The following TNXB variants were observed in gnomAD, a reference collection of about 807,000 sequenced individuals.
TNXB encodes the protein tenascin-X.
Under a neutral mutation model 340.5 loss-of-function variants are expected in TNXB, and 183 were observed. That is an observed-to-expected ratio of 0.54 (90% CI 0.48 to 0.61). The LOEUF (loss-of-function observed/expected upper bound fraction) is 0.61, where lower values mean the gene tolerates loss of function less well. Ranked by LOEUF, TNXB falls within the 20% of genes least tolerant of loss-of-function variation. The pLI, the probability that TNXB is intolerant of heterozygous loss-of-function variation, is 0.00. For missense variants in TNXB, 4,613 were observed against 5,446.4 expected (o/e 0.85, Z 4.82); for synonymous variants, 2,121 against 2,314.5 (o/e 0.92, Z 2.40).
Position 32,081,816 on chromosome 6 carries a change from A to C in TNXB, c.3737-143T>G. 1.4e-6 allele frequency: 1 copy of C among 698,864 alleles called. No individual in the cohort carries two copies. Among genetic ancestry groups the C allele is most frequent in the Non-Finnish European group, 2.4e-6 (1 of 419,240 alleles). 43.3% of individuals were successfully genotyped at this position (698,864 alleles called of 1,614,324 possible). ...GCTAAACTTCTGGGAAGCCTGACACAGCCAGGGTATGACACACCTTCTGGG... is the reference window on the plus strand; with the variant it reads ...GCTAAACTTCTGGGAAGCCTGACACCGCCAGGGTATGACACACCTTCTGGG... On this transcript the variant is annotated intron_variant, in intron 9 of 43. Coordinates refer to ENST00000644971, the MANE Select transcript of TNXB (RefSeq NM_001365276.2). The surrounding 1 kb of genome is among the most constrained non-coding windows in gnomAD (Gnocchi z 5.1).
Position 32,052,729 on chromosome 6 carries a change from T to G in TNXB, c.9056A>C (p.His3019Pro), listed in dbSNP as rs781316288. The change falls in exon 26 of 44, where the codon CAC becomes CCC. Residue 3019 changes from histidine (H) to proline (P), a missense_variant. By Grantham distance (77) the His-to-Pro change is moderately conservative. Coordinates refer to ENST00000644971, the MANE Select transcript of TNXB (RefSeq NM_001365276.2). The surrounding 1 kb of genome is among the most constrained non-coding windows in gnomAD (Gnocchi z 4.7). ...CTGCCCCTCGTGGAGGCCGTACAGG[T>G]GCATCTTGTATTTGCACCCGGGCTC... Reference protein sequence around the residue: ...GLEPGCKYKMHLYGLHEGQRV... With the variant: ...GLEPGCKYKMPLYGLHEGQRV... 2.9e-5 allele frequency: 46 copies of G among 1,613,588 alleles called. No homozygotes were observed. The highest frequency in any genetic ancestry group is 3.7e-5 in the Non-Finnish European group (44 of 1,179,872).
At position 32,073,791 on chromosome 6, in the gene TNXB, C is replaced by T. The variant is rs771301700; in HGVS notation, c.4537G>A (p.Gly1513Arg). The T allele has an allele frequency of 3.1e-6, 5 of 1,612,460 alleles. No individual in the cohort carries two copies. The highest frequency in any genetic ancestry group is 1.7e-5 in the Admixed American group (1 of 59,922). The change falls in exon 12 of 44, where the codon GGG (glycine) becomes AGG (arginine). Residue 1513 changes from glycine to arginine, a missense_variant. Physicochemically the swap from Gly to Arg is moderately radical, Grantham distance 125. Around this residue, in one of 7 missense-constraint regions of TNXB, gnomAD observed 4,327 missense variants for 4,859.4 expected, o/e 0.89. Transcript: ENST00000644971. This position sits in a 1 kb window ranked among gnomAD's most constrained non-coding sequence, Gnocchi z 4.6. ...SFIVQYKDKD[G>R]QPQVVPVAAD... ...GCCACCGGCACCACCTGGGGCTGCC[C>T]GTCCTTGTCCTTGTACTGGACTATG...
intron 11 of TNXB, among the ~76,000 whole-genome samples, chr6:32,076,471 C>T (rs1779087195): frequency 6.6e-6 from 1 of 152,182 alleles, no homozygotes; most frequent in South Asian, 2.1e-4. Flanking sequence ...TCTATTTTAT[C>T]CAGGACGTGT....
In TNXB at chr6:32,048,068, G is replaced by A; in HGVS notation, c.10046-56C>T. The A allele has an allele frequency of 6.4e-6, 10 of 1,559,354 alleles. No individual in the cohort carries two copies. In the South Asian group the frequency reaches 1.2e-4, roughly 18 times the overall value. ...GGGATGGAGGCAAAGGGGCCACGGA[G>A]CTTCCTGGGCTGCTATGGCTCTGTG... On this transcript the variant is annotated intron_variant, in intron 29 of 43. Coordinates refer to ENST00000644971, the MANE Select transcript of TNXB (RefSeq NM_001365276.2).
At position 32,051,265 on chromosome 6, in the gene TNXB, C is replaced by T. The variant is rs1215630349; in HGVS notation, c.9116-944G>A. Among the ~76,000 whole-genome samples the T allele has an allele frequency of 1.3e-5, 2 of 152,180 alleles. No individual in the cohort carries two copies. Among genetic ancestry groups the T allele is most frequent in the Non-Finnish European group, 1.5e-5 (1 of 68,028 alleles). On this transcript the variant is annotated intron_variant, in intron 26 of 43. Coordinates refer to ENST00000644971, the MANE Select transcript of TNXB (RefSeq NM_001365276.2). This position sits in a 1 kb window ranked among gnomAD's most constrained non-coding sequence, Gnocchi z 4.7. ...CTGGGCTTCTTGTCACATGCTCACC[C>T]GCCTTTGCTTTCTTACTGGTCCACA...
intron 24 of TNXB, among the ~76,000 whole-genome samples, chr6:32,054,511 C>T (rs1218741989): frequency 6.6e-6 from 1 of 152,240 alleles, no homozygotes; most frequent in Non-Finnish European, 1.5e-5. Flanking sequence ...CTGGCCTTTG[C>T]ACTAGCTGTG....
Position 32,057,725 on chromosome 6 carries a change from C to G in TNXB, c.7825+333G>C, listed in dbSNP as rs1582376891. 2.6e-5 allele frequency among the ~76,000 whole-genome samples: 4 copies of G among 152,328 alleles called. No individual in the cohort carries two copies. In the East Asian group the frequency reaches 7.7e-4, roughly 29 times the overall value. ...TGGCCTTTGCACCAGCTGTGATTATCTGACACACTTCACCTTCTCTCTAAA... is the reference window on the plus strand; with the variant it reads ...TGGCCTTTGCACCAGCTGTGATTATGTGACACACTTCACCTTCTCTCTAAA... On this transcript the variant is annotated intron_variant, in intron 22 of 43. Coordinates refer to ENST00000644971, the MANE Select transcript of TNXB (RefSeq NM_001365276.2).
At chr6:32,093,380 T>A in intron 4 of TNXB, 1 of 702,284 alleles carries the variant, frequency 1.4e-6, no homozygotes, top group Admixed American at 2.0e-5. Flanking sequence ...GCTATCTTGG[T>A]TGCGCCACGA....
intron 4 of TNXB, chr6:32,093,331 A>G (rs1780164733): frequency 1.4e-6 from 1 of 690,116 alleles, no homozygotes; most frequent in African/African-American, 1.8e-5. Context: ...TTTTATAACA[A>G]CAACAAAAAA....
chr6:32,054,735 A>G (rs1311396010), intron 24 of TNXB, among the ~76,000 whole-genome samples: 2 of 152,160 alleles, frequency 1.3e-5, no homozygotes, highest in Admixed American at 6.5e-5. Context: ...CCATGAAAAC[A>G]TGAACTTGTG....
In TNXB at chr6:32,050,325, G is replaced by T; in HGVS notation, c.9116-4C>A. 1 of 1,611,618 alleles carries T rather than the reference G, an allele frequency of 6.2e-7. No homozygotes were observed. The highest frequency in any genetic ancestry group is 8.5e-7 in the Non-Finnish European group (1 of 1,178,590). On this transcript the variant is annotated splice_polypyrimidine_tract_variant and splice_region_variant and intron_variant, in intron 26 of 43. Coordinates refer to ENST00000644971, the MANE Select transcript of TNXB (RefSeq NM_001365276.2). The stretch of plus-strand genomic sequence containing the variant: ...GTCTCGGCTTCATCCTTTGGAGCTG[G>T]ACAGACACGTGTGGGGACAGTGAGG...
Position 32,097,190 on chromosome 6 carries a change from G to C in TNXB, c.663C>G (p.Asp221Glu). The C allele has an allele frequency of 1.3e-6, 2 of 1,596,134 alleles. No homozygotes were observed. Among genetic ancestry groups the C allele is most frequent in the Non-Finnish European group, 1.7e-6 (2 of 1,171,972 alleles). Reference protein sequence around the residue: ...PSCGWPSCPGDCQGRGRCVQG... With the variant: ...PSCGWPSCPGECQGRGRCVQG... ...GCACGCAGCGCCCACGGCCTTGGCAGTCCCCGGGACAGGATGGCCAGCCAC... is the reference window on the plus strand; with the variant it reads ...GCACGCAGCGCCCACGGCCTTGGCACTCCCCGGGACAGGATGGCCAGCCAC... Residue 221 changes from aspartate to glutamate, a missense_variant, in exon 3 of 44, where the codon GAC (aspartate) becomes GAG (glutamate). Transcript: ENST00000644971. The surrounding 1 kb of genome is among the most constrained non-coding windows in gnomAD (Gnocchi z 5.9).
Position 32,049,212 on chromosome 6 carries a change from G to C in TNXB, c.9757+58C>G. 2 of 1,547,300 alleles carry C rather than the reference G, an allele frequency of 1.3e-6. No individual in the cohort carries two copies. Among genetic ancestry groups the C allele is most frequent in the Admixed American group, 2.0e-5 (1 of 51,276 alleles). On this transcript the variant is annotated intron_variant, in intron 28 of 43. Coordinates refer to ENST00000644971, the MANE Select transcript of TNXB (RefSeq NM_001365276.2). The surrounding 1 kb of genome is among the most constrained non-coding windows in gnomAD (Gnocchi z 4.5). Reference sequence around the variant, plus strand: ...AAAAGAGGTGCCAAGATCCAAAGGAGAAACACAAGGGGGCTGCAGAGGTAA... The same window carrying C: ...AAAAGAGGTGCCAAGATCCAAAGGACAAACACAAGGGGGCTGCAGAGGTAA...
rs924014813 is a variant in TNXB, at chr6:32,060,890, C to T, written c.7492+507G>A. ...CTGACCTCAGGCGATCAGCCCGCCTCGGCCTCCCAAAGTGCTGGGATTACA... is the reference window on the plus strand; with the variant it reads ...CTGACCTCAGGCGATCAGCCCGCCTTGGCCTCCCAAAGTGCTGGGATTACA... On this transcript the variant is annotated intron_variant, in intron 21 of 43. Coordinates refer to ENST00000644971, the MANE Select transcript of TNXB (RefSeq NM_001365276.2). Among the ~76,000 whole-genome samples, 4 of 152,002 alleles carry T rather than the reference C, an allele frequency of 2.6e-5. No homozygotes were observed. The East Asian group carries it at 7.7e-4, about 29-fold the overall frequency.
rs181644869 is a variant in TNXB, at chr6:32,070,818, C to T, written c.4991-404G>A. On this transcript the variant is annotated intron_variant, in intron 13 of 43. Transcript: ENST00000644971. This position sits in a 1 kb window ranked among gnomAD's most constrained non-coding sequence, Gnocchi z 6.0. ...AGGAAAGGGGTGATTTGGCCGGCCC[C>T]GAGGAGCGCAGGATCCCTGATGGGG... Among the ~76,000 whole-genome samples, 4 of 152,296 alleles carry T rather than the reference C, an allele frequency of 2.6e-5. No homozygotes were observed. Among genetic ancestry groups the T allele is most frequent in the East Asian group, 1.9e-4 (1 of 5,178 alleles).
chr6:32,071,008 G>A (rs1409059411), intron 13 of TNXB, among the ~76,000 whole-genome samples: 1 of 152,182 alleles, frequency 6.6e-6, no homozygotes, highest in Non-Finnish European at 1.5e-5. Flanking sequence ...GGATGATGCC[G>A]GGGAGCTCAG....
Position 32,084,326 on chromosome 6 carries a change from C to A in TNXB, c.3445+87G>T, listed in dbSNP as rs1303838915. ...TGCACCACTGCCTCCAGGAAGCCTTCCCGGAGCTCCCAAAGCAGGTTCCCA... is the reference window on the plus strand; with the variant it reads ...TGCACCACTGCCTCCAGGAAGCCTTACCGGAGCTCCCAAAGCAGGTTCCCA... On this transcript the variant is annotated intron_variant, in intron 8 of 43. Transcript: ENST00000644971. The surrounding 1 kb of genome is among the most constrained non-coding windows in gnomAD (Gnocchi z 5.5). 1 of 1,321,358 alleles carries A rather than the reference C, an allele frequency of 7.6e-7. No individual in the cohort carries two copies. Among genetic ancestry groups the A allele is most frequent in the Non-Finnish European group, 1.0e-6 (1 of 987,094 alleles). The allele number at this position is 1,321,358 out of a possible 1,614,324, so 81.9% of individuals were successfully genotyped here. A position where few individuals can be genotyped will look rare whatever the true frequency, so the allele number is the denominator to read the frequency against.
In TNXB at chr6:32,049,573, TG is replaced by T; in HGVS notation, c.9453del (p.Ser3152AlafsTer21). ...GCCTCAGTGCTGGGTTCTGTGGGGC[TG>T]GGGGTCTCTTCCTCTGCAGTGGAGA... ...SAIGVTEEETPSPTEPSTEAP... is the reference protein window; with the variant it reads ...SAIGVTEEETXSPTEPSTEAP... On this transcript the variant is annotated frameshift_variant, in exon 28 of 44. Transcript: ENST00000644971. LOFTEE classifies it high-confidence loss of function. This position sits in a 1 kb window ranked among gnomAD's most constrained non-coding sequence, Gnocchi z 4.5. 6.2e-7 allele frequency: 1 copy of T among 1,611,210 alleles called. No individual in the cohort carries two copies. Among genetic ancestry groups the T allele is most frequent in the Non-Finnish European group, 8.5e-7 (1 of 1,179,062 alleles).
At chr6:32,098,895 C>G (rs1780568613) in intron 1 of TNXB, among the ~76,000 whole-genome samples, 1 of 152,198 alleles carries the variant, frequency 6.6e-6, no homozygotes, top group Admixed American at 6.5e-5. Flanking sequence ...TAAAGGCTGG[C>G]TCCATCTTCA....
Sources: gnomAD v4.1 joint callset for allele counts (sites outside exome capture counted in the v4.1 genomes callset) on GRCh38, gnomAD v4.1.1 for gene constraint, gnomAD v4.1.1 regional missense constraint, Gnocchi (gnomAD v3.1) non-coding constraint, MANE v1.5 for transcripts, NCBI Gene and HGNC (gene_info 2026-07-23, HGNC 2026-07-21) for gene names.